RARS1: variants seen among roughly 807,000 people sequenced by gnomAD.
RARS1 encodes the protein arginyl-tRNA synthetase 1.
In RARS1, 75 loss-of-function variants were observed where a neutral mutation model predicts 78.7. The observed-to-expected ratio is 0.95, with a 90% CI of 0.79 to 1.15. RARS1 has a LOEUF of 1.15. Among genes scored for constraint, RARS1 ranks in the 50% most tolerant of loss-of-function variants. The pLI is 0.00. For missense variants in RARS1, 787 were observed against 787.5 expected, an observed-to-expected ratio of 1.00 and a Z score of 0.01; for synonymous variants, 273 against 268.2, an observed-to-expected ratio of 1.02 and a Z score of -0.18.
intron 2 of RARS1, 27 bp downstream of exon 2, chr5:168,488,763 T>C (rs530185447): frequency 6.4e-7 from 1 of 1,567,976 alleles, no homozygotes; most frequent in Non-Finnish European, 8.6e-7. Flanking sequence ...CCAGTTTTAT[T>C]CTCCAGTTTG....
In RARS1 at chr5:168,500,653, T is replaced by C. The variant is rs1057342239; in HGVS notation, c.885T>C (p.Val295=). ...EFKKRAYQCV[V]LLQGKNPDIT... is the part of the protein sequence containing the mutation. The stretch of plus-strand genomic sequence containing the variant: ...AGAAGCGAGCATATCAGTGTGTAGT[T>C]CTGCTCCAGGGTAAAAACCCAGATA... Residue 295 remains valine, a synonymous_variant, in exon 8 of 15, where the codon GTT becomes GTC. Transcript: ENST00000231572. 1.9e-6 allele frequency: 3 copies of C among 1,610,768 alleles called. No homozygotes were observed. Among genetic ancestry groups the C allele is most frequent in the Admixed American group, 3.4e-5 (2 of 58,932 alleles).
At position 168,500,674 on chromosome 5, in the gene RARS1, A is replaced by T. The variant is rs1758300467; in HGVS notation, c.906A>T (p.Pro302=). Reference sequence around the variant, plus strand: ...TAGTTCTGCTCCAGGGTAAAAACCCAGATATTACAAAAGCTTGGAAGCTTA... The same window carrying T: ...TAGTTCTGCTCCAGGGTAAAAACCCTGATATTACAAAAGCTTGGAAGCTTA... ...QCVVLLQGKN[P]DITKAWKLIC... The change falls in exon 8 of 15, where the codon CCA becomes CCT. Residue 302 remains proline, a synonymous_variant. Transcript: ENST00000231572. The T allele has an allele frequency of 6.2e-7, 1 of 1,610,492 alleles. No homozygotes were observed. The highest frequency in any genetic ancestry group is 8.5e-7 in the Non-Finnish European group (1 of 1,179,142).
chr5:168,492,820 G>A lies in RARS1; in HGVS notation c.342G>A (p.Gln114=), dbSNP rs2305728. 0.17 allele frequency: 268,595 copies of A among 1,611,636 alleles called. 24,663 individuals carry two copies. The highest frequency in any genetic ancestry group is 0.19 in the Non-Finnish European group (224,567 of 1,177,920). The change falls in exon 3 of 15, where the codon CAG becomes CAA. Residue 114 remains glutamine (Q), a synonymous_variant. Transcript: ENST00000231572. ...PSQQAKFGDY[Q]CNSAMGISQM... ...AGCAGGCCAAGTTTGGGGACTATCAGTGTAATAGTGCTATGGGTATTTCTC... is the reference window on the plus strand; with the variant it reads ...AGCAGGCCAAGTTTGGGGACTATCAATGTAATAGTGCTATGGGTATTTCTC...
At chr5:168,497,898 A>G (rs1035963294) in intron 7 of RARS1, 18 of 151,634 alleles carry the variant, frequency 1.2e-4, no homozygotes, top group African/African-American at 4.1e-4. Context: ...ACCTGTTAAT[A>G]TGTCATCTTT....
intron 2 of RARS1, among the ~76,000 whole-genome samples, chr5:168,492,065 T>G (rs1758098845): frequency 6.6e-6 from 1 of 150,624 alleles, no homozygotes; most frequent in South Asian, 2.1e-4. Context: ...AGTCTAGTGG[T>G]AGAGACAGAT....
intron 10 of RARS1, 150 bp downstream of exon 10, chr5:168,506,349 G>C: frequency 1.4e-6 from 1 of 699,104 alleles, no homozygotes; most frequent in Non-Finnish European, 2.2e-6. Context: ...AAAGAAGAGG[G>C]TTTGGACCCA....
chr5:168,506,142 A>G lies in RARS1; in HGVS notation c.1179A>G (p.Lys393=). 1 of 1,596,468 alleles carries G rather than the reference A, an allele frequency of 6.3e-7. No individual in the cohort carries two copies. The highest frequency in any genetic ancestry group is 1.1e-5 in the South Asian group (1 of 87,686). The change falls in exon 10 of 15, where the codon AAA becomes AAG. Residue 393 remains lysine (K), a synonymous_variant. Transcript: ENST00000231572. ...ATACATCTGACCTGGCTGCTATTAA[A>G]CAAAGACTATTTGAGGAAAAAGCAG... ...TYDTSDLAAI[K]QRLFEEKADM...
chr5:168,496,502 A>C (rs1758190969), intron 6 of RARS1, among the ~76,000 whole-genome samples: 1 of 150,630 alleles, frequency 6.6e-6, no homozygotes, highest in South Asian at 2.1e-4. Flanking sequence ...TTTTTTTTGG[A>C]GACAGAGTCT....
intron 14 of RARS1, among the ~76,000 whole-genome samples, 179 bp from the exon 15 acceptor site, chr5:168,518,902 T>G (rs1386890755): frequency 2.0e-5 from 3 of 152,258 alleles, no homozygotes; most frequent in Non-Finnish European, 4.4e-5. Flanking sequence ...GAAATGCCTT[T>G]ATTTTTTAAA....
At position 168,493,884 on chromosome 5, in the gene RARS1, T is replaced by G. The variant is rs1217714111; in HGVS notation, c.370-10T>G. On this transcript the variant is annotated splice_polypyrimidine_tract_variant and intron_variant, in intron 3 of 14. Transcript: ENST00000231572. ...TGTTGTGTAATGAATCATTTTATAT[T>G]GTGTTGTAGATGCTCAAAACCAAGG... 26 of 1,588,054 alleles carry G rather than the reference T, an allele frequency of 1.6e-5. No homozygotes were observed. Among genetic ancestry groups the G allele is most frequent in the Non-Finnish European group, 2.0e-5 (23 of 1,158,528 alleles).
chr5:168,507,612 A>G (rs987835208), intron 11 of RARS1, among the ~76,000 whole-genome samples: 1 of 152,238 alleles, frequency 6.6e-6, no homozygotes, highest in Non-Finnish European at 1.5e-5. Flanking sequence ...CCCTAATTGA[A>G]CATGTAAAAG....
Position 168,495,416 on chromosome 5 carries a change from T to C in RARS1, c.681T>C (p.Phe227=). The part of the protein sequence containing the change: ...IGESISRLFE[F]AGYDVLRLNH... ...AGAGTATAAGCCGCCTCTTTGAATT[T>C]GCAGGGTATGACGTGCTCAGGTATG... Residue 227 remains phenylalanine (F), a synonymous_variant, in exon 6 of 15, where the codon TTT becomes TTC. Coordinates refer to ENST00000231572, the MANE Select transcript of RARS1 (RefSeq NM_002887.4). 1.9e-6 allele frequency: 3 copies of C among 1,613,964 alleles called. No homozygotes were observed. The highest frequency in any genetic ancestry group is 2.5e-6 in the Non-Finnish European group (3 of 1,179,890).
chr5:168,514,428 C>A (rs545056626), intron 12 of RARS1, among the ~76,000 whole-genome samples: 2 of 152,210 alleles, frequency 1.3e-5, no homozygotes, highest in South Asian at 4.1e-4. Context: ...TTTTCTACTT[C>A]AGAGAATATT....
chr5:168,513,624 G>A (rs925867611), intron 12 of RARS1, among the ~76,000 whole-genome samples: 1 of 151,554 alleles, frequency 6.6e-6, no homozygotes, highest in Admixed American at 6.7e-5. Context: ...TGGCCTGACT[G>A]CCTTTTCTTA....
At chr5:168,511,586 C>G (rs1246775166) in intron 12 of RARS1, among the ~76,000 whole-genome samples, 1 of 152,210 alleles carries the variant, frequency 6.6e-6, no homozygotes, top group Non-Finnish European at 1.5e-5. Flanking sequence ...GTTCAGTCAT[C>G]TAGCTGTTTG....
chr5:168,493,211 A>G (rs1333395606), intron 3 of RARS1: 1 of 166,458 alleles, frequency 6.0e-6, no homozygotes, highest in Non-Finnish European at 1.3e-5. Context: ...ATTTGATGTA[A>G]CTGTGATCTT....
intron 2 of RARS1, among the ~76,000 whole-genome samples, chr5:168,490,711 G>A (rs1758064441): frequency 6.6e-6 from 1 of 152,138 alleles, no homozygotes; most frequent in Admixed American, 6.5e-5. Flanking sequence ...TATGAAACTG[G>A]TAGAGACAAC....
At chr5:168,487,235 G>GC (rs908999500) in intron 1 of RARS1, among the ~76,000 whole-genome samples, 1 of 151,994 alleles carries the variant, frequency 6.6e-6, no homozygotes, top group South Asian at 2.1e-4. Context: ...GTGTTGGGGG[G>GC]GGTCCCTGTA....
intron 9 of RARS1, among the ~76,000 whole-genome samples, chr5:168,504,175 A>C (rs1385310859): frequency 3.6e-4 from 55 of 151,542 alleles, no homozygotes; most frequent in Admixed American, 3.6e-3. Flanking sequence ...TGAGTCCAGG[A>C]GTTTGAGGCC....
Sources: gnomAD v4.1 joint callset for allele counts (sites outside exome capture counted in the v4.1 genomes callset) on GRCh38, gnomAD v4.1.1 for gene constraint, MANE v1.5 for transcripts, NCBI Gene and HGNC (gene_info 2026-07-23, HGNC 2026-07-21) for gene names.